The following TMEM178B variants were observed in gnomAD, a reference collection of about 807,000 sequenced individuals.
TMEM178B encodes the protein transmembrane protein 178B.
In TMEM178B, 5 loss-of-function variants were observed where a neutral mutation model predicts 31.0. That is an observed-to-expected ratio of 0.16 (90% confidence interval 0.08 to 0.34). The LOEUF is 0.34. TMEM178B is among the 10% of genes least tolerant of loss of function. The probability of loss-of-function intolerance (pLI) is 1.00; values close to 1 mark genes in which losing one functional copy is unlikely to be tolerated. For missense variants in TMEM178B, 275 were observed against 400.3 expected, an observed-to-expected ratio of 0.69 and a Z score of 2.67; for synonymous variants, 164 against 164.0, an observed-to-expected ratio of 1.00 and a Z score of 0.00.
At chr7:141,304,521 T>C (rs1798780664) in intron 2 of TMEM178B, among the ~76,000 whole-genome samples, 1 of 152,158 alleles carries the variant, frequency 6.6e-6, no homozygotes, top group African/African-American at 2.4e-5. Context: ...TCTCCAGGGC[T>C]CTCATCCACT....
chr7:141,441,299 G>A (rs1366613059), intron 3 of TMEM178B, among the ~76,000 whole-genome samples: 2 of 152,288 alleles, frequency 1.3e-5, no homozygotes, highest in Middle Eastern at 3.4e-3. Flanking sequence ...TCAGAACCTG[G>A]CCAGTCCCTG....
At chr7:141,267,884 G>A (rs1361352784) in intron 2 of TMEM178B, among the ~76,000 whole-genome samples, 1 of 152,194 alleles carries the variant, frequency 6.6e-6, no homozygotes, top group Admixed American at 6.5e-5. Flanking sequence ...TCAGAACATA[G>A]CAGGTGCCTG....
intron 1 of TMEM178B, among the ~76,000 whole-genome samples, chr7:141,168,687 T>C (rs921372072): frequency 1.7e-4 from 26 of 151,970 alleles, no homozygotes; most frequent in Admixed American, 4.6e-4. Context: ...GGAGAATCGC[T>C]TGAGCCCGGG....
intron 1 of TMEM178B, among the ~76,000 whole-genome samples, chr7:141,110,143 C>T (rs997716500): frequency 1.6e-4 from 25 of 151,904 alleles, no homozygotes; most frequent in African/African-American, 3.6e-4. Flanking sequence ...TATTTAAAAC[C>T]GTATCTTTTA....
chr7:141,365,172 G>T (rs1316177634), intron 2 of TMEM178B, among the ~76,000 whole-genome samples: 1 of 152,212 alleles, frequency 6.6e-6, no homozygotes, highest in African/African-American at 2.4e-5. Context: ...GGTAAATGCA[G>T]CTTTGAGAAT....
At chr7:141,131,325 T>G (rs1385086509) in intron 1 of TMEM178B, among the ~76,000 whole-genome samples, 1 of 152,240 alleles carries the variant, frequency 6.6e-6, no homozygotes, top group Non-Finnish European at 1.5e-5. Context: ...AGCTTAATTT[T>G]TTTTTAAATT....
intron 2 of TMEM178B, among the ~76,000 whole-genome samples, chr7:141,269,137 C>T (rs1402043757): frequency 1.3e-5 from 2 of 148,832 alleles, no homozygotes; most frequent in African/African-American, 5.0e-5. Context: ...GTTGCCCAGG[C>T]TGGAGTGCAG....
chr7:141,163,106 C>T (rs1796202577), intron 1 of TMEM178B, among the ~76,000 whole-genome samples: 1 of 152,184 alleles, frequency 6.6e-6, no homozygotes, highest in African/African-American at 2.4e-5. Flanking sequence ...CTGTTCTCTG[C>T]TGTATGGTTC....
intron 3 of TMEM178B, among the ~76,000 whole-genome samples, chr7:141,455,541 G>A (rs1801947507): frequency 6.6e-6 from 1 of 152,258 alleles, no homozygotes; most frequent in Non-Finnish European, 1.5e-5. Context: ...AGTGGCTAAA[G>A]CATGGGTTTG....
chr7:141,086,027 G>A (rs1794782604), intron 1 of TMEM178B, among the ~76,000 whole-genome samples: 2 of 152,050 alleles, frequency 1.3e-5, no homozygotes, highest in Admixed American at 1.3e-4. Flanking sequence ...TGAAATACAT[G>A]TATTAATATT....
At chr7:141,350,609 G>T (rs970388619) in intron 2 of TMEM178B, among the ~76,000 whole-genome samples, 4 of 151,986 alleles carry the variant, frequency 2.6e-5, no homozygotes, top group Admixed American at 6.6e-5. Flanking sequence ...GAATCTCCTG[G>T]GAACAGTGTA....
At chr7:141,150,601 C>T (rs1417395417) in intron 1 of TMEM178B, among the ~76,000 whole-genome samples, 1 of 152,192 alleles carries the variant, frequency 6.6e-6, no homozygotes, top group East Asian at 1.9e-4. Context: ...CTTCTTGGCT[C>T]ACCCCTGCTG....
At chr7:141,270,358 A>G (rs1269344232) in intron 2 of TMEM178B, among the ~76,000 whole-genome samples, 1 of 152,002 alleles carries the variant, frequency 6.6e-6, no homozygotes, top group Admixed American at 6.5e-5. Flanking sequence ...AGGTGGCACA[A>G]TCTTGGCTCA....
intron 2 of TMEM178B, among the ~76,000 whole-genome samples, chr7:141,427,062 A>C (rs1801331617): frequency 6.6e-6 from 1 of 152,208 alleles, no homozygotes; most frequent in South Asian, 2.1e-4. Context: ...GAAATTGAAG[A>C]AGACACTAAT....
chr7:141,363,319 C>CT (rs1230920299), intron 2 of TMEM178B, among the ~76,000 whole-genome samples: 2 of 152,342 alleles, frequency 1.3e-5, no homozygotes, highest in Admixed American at 6.5e-5. Flanking sequence ...TCACACATCA[C>CT]TTTCTTCCCT....
intron 3 of TMEM178B, among the ~76,000 whole-genome samples, chr7:141,469,795 G>A (rs577448395): frequency 1.3e-4 from 20 of 152,324 alleles, no homozygotes; most frequent in African/African-American, 4.1e-4. Context: ...ACTGATATAA[G>A]TAATGTTTTT....
At position 141,117,815 on chromosome 7, in the gene TMEM178B, G is replaced by T. The variant is rs1795343632; in HGVS notation, c.382+43123G>T. On this transcript the variant is annotated intron_variant, in intron 1 of 3. Transcript: ENST00000565468. ...TGTCAGGTTTGTCAAAGATCAGATG[G>T]TTGTAGATGTGTGGCGTTTTTTCTG... 2.0e-5 allele frequency among the ~76,000 whole-genome samples: 3 copies of T among 152,294 alleles called. No homozygotes were observed. In the South Asian group the frequency reaches 6.2e-4, roughly 32 times the overall value.
At chr7:141,329,049 C>T (rs994308475) in intron 2 of TMEM178B, among the ~76,000 whole-genome samples, 7 of 152,068 alleles carry the variant, frequency 4.6e-5, no homozygotes, top group African/African-American at 1.7e-4. Context: ...GATCAATTGC[C>T]CTTAGGTGTT....
At chr7:141,208,268 C>T (rs1586826276) in intron 1 of TMEM178B, among the ~76,000 whole-genome samples, 1 of 152,164 alleles carries the variant, frequency 6.6e-6, no homozygotes, top group African/African-American at 2.4e-5. Flanking sequence ...GGGATCTCAA[C>T]CAGCCAGTCC....
Sources: gnomAD v4.1 joint callset for allele counts (sites outside exome capture counted in the v4.1 genomes callset) on GRCh38, gnomAD v4.1.1 for gene constraint, MANE v1.5 for transcripts, NCBI Gene and HGNC (gene_info 2026-07-23, HGNC 2026-07-21) for gene names.